MTCH1: variants seen among roughly 807,000 people sequenced by gnomAD.
MTCH1 encodes mitochondrial carrier homolog 1.
A neutral mutation model predicts 49.3 loss-of-function variants in MTCH1; 23 were observed. The ratio of observed to expected loss-of-function variants is 0.47; its 90% CI spans 0.34 to 0.66. The LOEUF (loss-of-function observed/expected upper bound fraction) is 0.66, where lower values mean the gene tolerates loss of function less well. MTCH1 is among the 30% of genes least tolerant of loss of function. The pLI is 0.01. For missense variants in MTCH1, 397 were observed against 532.1 expected (o/e 0.75, Z 2.50); for synonymous variants, 229 against 215.2 (o/e 1.06, Z -0.56).
chr6:36,975,951 C>G (rs549180213), intron 6 of MTCH1, among the ~76,000 whole-genome samples: 26 of 152,306 alleles, frequency 1.7e-4, no homozygotes, highest in East Asian at 5.8e-4. Context: ...ATGGGAGCAG[C>G]CCACTAGCAG....
chr6:36,975,799 C>T (rs115240884), intron 6 of MTCH1, 82 bp from the exon 7 acceptor site: 58,317 of 1,252,524 alleles, frequency 0.047, 1,557 homozygotes, highest in Admixed American at 0.077. Context: ...CTGAGCCCAC[C>T]AGTTCTGCTC....
chr6:36,985,254 C>T (rs1469165828), intron 1 of MTCH1, among the ~76,000 whole-genome samples: 1 of 152,142 alleles, frequency 6.6e-6, no homozygotes, highest in African/African-American at 2.4e-5. Context: ...CCTCTGTCCA[C>T]CCCCAGTCTG....
chr6:36,977,284 G>A lies in MTCH1; in HGVS notation c.650-34C>T. 1 of 1,611,016 alleles carries A rather than the reference G, an allele frequency of 6.2e-7. No homozygotes were observed. On this transcript the variant is annotated intron_variant, in intron 5 of 11. Transcript: ENST00000373627. The surrounding 1 kb of genome is among the most constrained non-coding windows in gnomAD (Gnocchi z 5.4). The stretch of plus-strand genomic sequence containing the variant: ...AAAAAAGAAAACACACACAGGTGAT[G>A]TGGTGGGCCACACTTCATAATGCTC...
At chr6:36,980,361 TC>T (rs1197595982) in intron 2 of MTCH1, among the ~76,000 whole-genome samples, 1 of 152,208 alleles carries the variant, frequency 6.6e-6, no homozygotes, top group Non-Finnish European at 1.5e-5. Flanking sequence ...TGCAACCAGA[TC>T]CAGAAAAAGC....
rs942543107 is a variant in MTCH1, at chr6:36,982,083, T to C, written c.322-411A>G. 2.0e-5 allele frequency among the ~76,000 whole-genome samples: 3 copies of C among 152,198 alleles called. No homozygotes were observed. The highest frequency in any genetic ancestry group is 4.4e-5 in the Non-Finnish European group (3 of 68,024). On this transcript the variant is annotated intron_variant, in intron 1 of 11. Transcript: ENST00000373627. This position sits in a 1 kb window ranked among gnomAD's most constrained non-coding sequence, Gnocchi z 4.1. Reference sequence around the variant, plus strand: ...CCAACCTCAATTCCAAATGTGGCAATAAGAAAATACATCATACCCAAACCT... The same window carrying C: ...CCAACCTCAATTCCAAATGTGGCAACAAGAAAATACATCATACCCAAACCT...
In MTCH1 at chr6:36,977,083, C is replaced by T; in HGVS notation, c.701+116G>A. ...CATTCCTCAGAAGCCAGGCAGCAGG[C>T]TGAACTCACACAGCACTAGGGCAGA... On this transcript the variant is annotated intron_variant, in intron 6 of 11. Coordinates refer to ENST00000373627, the MANE Select transcript of MTCH1 (RefSeq NM_001271641.2). This position sits in a 1 kb window ranked among gnomAD's most constrained non-coding sequence, Gnocchi z 5.4. The T allele has an allele frequency of 9.3e-7, 1 of 1,074,238 alleles. No homozygotes were observed. Among genetic ancestry groups the T allele is most frequent in the Non-Finnish European group, 1.4e-6 (1 of 701,834 alleles). The allele number at this position is 1,074,238 out of a possible 1,614,324, so 66.5% of individuals were successfully genotyped here.
In MTCH1 at chr6:36,979,128, C is replaced by T. The variant is rs140472346; in HGVS notation, c.407-517G>A. Among the ~76,000 whole-genome samples the T allele has an allele frequency of 1.2e-3, 180 of 152,264 alleles. 6 individuals are homozygous for T. The East Asian group carries it at 0.018, about 15-fold the overall frequency. On this transcript the variant is annotated intron_variant, in intron 2 of 11. Transcript: ENST00000373627. Reference sequence around the variant, plus strand: ...GACAGGCTCAAGAACGCCCCCTGCACATGCCACGGCCAGGGCAGTCTCCAC... The same window carrying T: ...GACAGGCTCAAGAACGCCCCCTGCATATGCCACGGCCAGGGCAGTCTCCAC...
chr6:36,978,007 C>A, intron 4 of MTCH1, 71 bp downstream of exon 4: 1 of 1,387,238 alleles, frequency 7.2e-7, no homozygotes, highest in Non-Finnish European at 1.0e-6. Flanking sequence ...CAATGACCCG[C>A]CCAACTTGGG....
chr6:36,977,989 C>T lies in MTCH1; in HGVS notation c.591+89G>A, dbSNP rs911848042. ...ATGCATACACAAGGACCCAACTCTTCGACTTGTCAATGACCCGCCCAACTT... is the reference window on the plus strand; with the variant it reads ...ATGCATACACAAGGACCCAACTCTTTGACTTGTCAATGACCCGCCCAACTT... On this transcript the variant is annotated intron_variant, in intron 4 of 11. Transcript: ENST00000373627. This position sits in a 1 kb window ranked among gnomAD's most constrained non-coding sequence, Gnocchi z 5.4. 6 of 1,206,646 alleles carry T rather than the reference C, an allele frequency of 5.0e-6. No homozygotes were observed. Among genetic ancestry groups the T allele is most frequent in the Admixed American group, 1.7e-5 (1 of 58,818 alleles). 74.7% of individuals were successfully genotyped at this position (1,206,646 alleles called of 1,614,324 possible).
intron 1 of MTCH1, 98 bp downstream of exon 1, chr6:36,985,755 A>G (rs1764283181): frequency 2.1e-6 from 2 of 960,846 alleles, no homozygotes; most frequent in Non-Finnish European, 2.7e-6. Flanking sequence ...CCTCTCCCCA[A>G]ATCCGTCGCC....
rs1017815660 is a variant in MTCH1 at position 36,975,532 on chromosome 6, C to A, written c.761+126G>T. ...TGGAGCTCTGGAGAGCTGGCTGCAG[C>A]ACTCAGGCTAGGGCAGGGCCATGTA... On this transcript the variant is annotated intron_variant, in intron 7 of 11. Transcript: ENST00000373627. 10 of 869,512 alleles carry A rather than the reference C, an allele frequency of 1.2e-5. No homozygotes were observed. The African/African-American group carries it at 1.7e-4, about 15-fold the overall frequency. 53.9% of individuals were successfully genotyped at this position (869,512 alleles called of 1,614,324 possible).
intron 6 of MTCH1, among the ~76,000 whole-genome samples, 200 bp downstream of exon 6, chr6:36,976,999 C>G (rs1018486706): frequency 6.6e-5 from 10 of 152,156 alleles, no homozygotes; most frequent in African/African-American, 1.7e-4. Flanking sequence ...CTAGGGCTGC[C>G]CTTGATAAGA....
chr6:36,981,670 C>T lies in MTCH1; in HGVS notation c.324G>A (p.Val108=), dbSNP rs760919091. 5.6e-6 allele frequency: 9 copies of T among 1,611,692 alleles called. No homozygotes were observed. The South Asian group carries it at 9.9e-5, about 18-fold the overall frequency. The part of the protein sequence containing the change: ...PLLYVKLLIQ[V]GHEPMPPTLG... Reference sequence around the variant, plus strand: ...GGGTGGGGGGCATCGGCTCATGACCCACCTTCAGAATTAACAAAGACAAAG... The same window carrying T: ...GGGTGGGGGGCATCGGCTCATGACCTACCTTCAGAATTAACAAAGACAAAG... Residue 108 remains valine (V), a splice_region_variant and synonymous_variant, in exon 2 of 12, where the codon GTG becomes GTA. Transcript: ENST00000373627.
At chr6:36,969,704 T>G in intron 11 of MTCH1, 2 of 1,220,276 alleles carry the variant, frequency 1.6e-6, no homozygotes, top group Middle Eastern at 3.6e-4. Flanking sequence ...TTTCAGCCCA[T>G]GTTACTTGAA....
chr6:36,970,836 C>G, intron 8 of MTCH1, 142 bp from the exon 9 acceptor site: 1 of 964,848 alleles, frequency 1.0e-6, no homozygotes. Flanking sequence ...CTCACAGTCA[C>G]TGCCCAGAGA....
rs201755942 is a variant in MTCH1, at chr6:36,968,795, G to C, written c.*108C>G. 1 of 1,530,108 alleles carries C rather than the reference G, an allele frequency of 6.5e-7. No homozygotes were observed. Among genetic ancestry groups the C allele is most frequent in the Non-Finnish European group, 9.0e-7 (1 of 1,111,756 alleles). The allele number at this position is 1,530,108 out of a possible 1,614,324, so 94.8% of individuals were successfully genotyped here. On this transcript the variant is annotated 3_prime_UTR_variant, in exon 12 of 12. Coordinates refer to ENST00000373627, the MANE Select transcript of MTCH1 (RefSeq NM_001271641.2). ...ATGGAACTGAAGCCCGGCTGGGCTG[G>C]AGCACATCTGGTTGTTGTTGGGTTG...
chr6:36,985,301 G>A (rs1764256754), intron 1 of MTCH1, among the ~76,000 whole-genome samples: 1 of 151,742 alleles, frequency 6.6e-6, no homozygotes, highest in African/African-American at 2.4e-5. Context: ...TGGCCCTGGC[G>A]CCCACTTTGT....
chr6:36,983,793 C>T (rs1275544700), intron 1 of MTCH1, among the ~76,000 whole-genome samples: 1 of 152,180 alleles, frequency 6.6e-6, no homozygotes, highest in Non-Finnish European at 1.5e-5. Flanking sequence ...CCACTCCTGA[C>T]ACCCCCACTC....
chr6:36,981,437 CCT>C, intron 2 of MTCH1, 149 bp downstream of exon 2: 1 of 665,194 alleles, frequency 1.5e-6, no homozygotes. Context: ...GACACCATGT[CCT>C]CTCTGTACAC....
Sources: allele counts gnomAD v4.1 joint callset (sites outside exome capture counted in the v4.1 genomes callset), GRCh38; gene constraint gnomAD v4.1.1; non-coding constraint Gnocchi (gnomAD v3.1); transcripts MANE v1.5; gene names NCBI Gene and HGNC (gene_info 2026-07-23, HGNC 2026-07-21).